CACNA1H: variants seen among roughly 807,000 people sequenced by gnomAD.
CACNA1H encodes the protein calcium voltage-gated channel subunit alpha1 H.
A neutral mutation model predicts 192.5 loss-of-function variants in CACNA1H; 149 were observed. The ratio of observed to expected loss-of-function variants is 0.77; its 90% CI spans 0.68 to 0.89. The LOEUF (loss-of-function observed/expected upper bound fraction) is 0.89, where lower values mean the gene tolerates loss of function less well. Among genes scored for constraint, CACNA1H ranks in the 40% least tolerant of loss-of-function variants. The probability of loss-of-function intolerance (pLI) is 0.00; values close to 1 mark genes in which losing one functional copy is unlikely to be tolerated. For missense variants in CACNA1H, 4,257 were observed against 3,423.5 expected (o/e 1.24, Z -6.08); for synonymous variants, 2,202 against 1,475.2 (o/e 1.49, Z -11.29).
At chr16:1,195,645 AAAG>A in intron 4 of CACNA1H, 80 bp downstream of exon 4, 1 of 1,465,276 alleles carries the variant, frequency 6.8e-7, no homozygotes, top group Non-Finnish European at 9.3e-7. Context: ...TCCCACCTGT[AAAG>A]AAAAATGGGA....
chr16:1,215,222 C>G lies in CACNA1H; in HGVS notation c.5040-20C>G, dbSNP rs987416396. 4 of 1,594,910 alleles carry G rather than the reference C, an allele frequency of 2.5e-6. No individual in the cohort carries two copies. The highest frequency in any genetic ancestry group is 3.4e-6 in the Non-Finnish European group (4 of 1,170,514). ...GAGGCGGGGACCCCAGACGTGTGCG[C>G]TGAGCCTCCGGCCACACAGGTGGAA... On this transcript the variant is annotated intron_variant, in intron 28 of 34. Coordinates refer to ENST00000348261, the MANE Select transcript of CACNA1H (RefSeq NM_021098.3).
In CACNA1H at chr16:1,211,252, C is replaced by T. The variant is rs750912286; in HGVS notation, c.4308C>T (p.Ile1436=). The T allele has an allele frequency of 1.2e-6, 2 of 1,613,152 alleles. No homozygotes were observed. The highest frequency in any genetic ancestry group is 1.1e-5 in the South Asian group (1 of 91,084). ...SLRPIGNIVL[I]CCAFFIIFGI... is the part of the protein sequence containing the mutation. ...GGCCCATTGGGAACATCGTCCTCAT[C>T]TGCTGCGCCTTCTTCATCATTTTTG... Residue 1436 remains isoleucine (I), a synonymous_variant, in exon 22 of 35, where the codon ATC becomes ATT. Coordinates refer to ENST00000348261, the MANE Select transcript of CACNA1H (RefSeq NM_021098.3).
rs763021546 is a variant in CACNA1H, at chr16:1,198,569, C to A, written c.644-46C>A. 6 of 1,604,216 alleles carry A rather than the reference C, an allele frequency of 3.7e-6. No individual in the cohort carries two copies. The African/African-American group carries it at 6.7e-5, about 18-fold the overall frequency. On this transcript the variant is annotated intron_variant, in intron 5 of 34. Coordinates refer to ENST00000348261, the MANE Select transcript of CACNA1H (RefSeq NM_021098.3). Reference sequence around the variant, plus strand: ...GGGAGGGGCTGCAGCCCCGAGGACACTCCTGCAGGGCTTAGCAGTGCCAAT... The same window carrying A: ...GGGAGGGGCTGCAGCCCCGAGGACAATCCTGCAGGGCTTAGCAGTGCCAAT...
Position 1,204,274 on chromosome 16 carries a change from C to G in CACNA1H, c.2267C>G (p.Pro756Arg). 2 of 1,608,584 alleles carry G rather than the reference C, an allele frequency of 1.2e-6. No individual in the cohort carries two copies. Among genetic ancestry groups the G allele is most frequent in the Middle Eastern group, 1.7e-4 (1 of 6,036 alleles). ...PRATDTPGPGPGSPQRRAQQR... is the reference protein window; with the variant it reads ...PRATDTPGPGRGSPQRRAQQR... ...GCGACGGACACACCAGGCCCAGGCC[C>G]AGGCAGCCCCCAGCGGCGGGCACAG... is the stretch of plus-strand genomic sequence containing the variant. Residue 756 changes from proline (P) to arginine (R), a missense_variant, in exon 10 of 35, where the codon CCA (proline) becomes CGA (arginine). Coordinates refer to ENST00000348261, the MANE Select transcript of CACNA1H (RefSeq NM_021098.3).
intron 2 of CACNA1H, among the ~76,000 whole-genome samples, chr16:1,177,040 A>G (rs1964958134): frequency 6.6e-6 from 1 of 151,980 alleles, no homozygotes; most frequent in Admixed American, 6.6e-5. Flanking sequence ...AGCTTCCCCC[A>G]GGCCCTCCGC....
At chr16:1,217,884 G>C (rs753006308) in intron 31 of CACNA1H, 35 bp from the exon 32 acceptor site, 3 of 1,569,824 alleles carry the variant, frequency 1.9e-6, no homozygotes, top group Middle Eastern at 1.7e-4. Flanking sequence ...CCCGGAGCGG[G>C]CTCGGCTGAC....
intron 6 of CACNA1H, among the ~76,000 whole-genome samples, chr16:1,200,028 T>TAAA (rs1425412845): frequency 6.6e-6 from 1 of 152,192 alleles, no homozygotes; most frequent in Non-Finnish European, 1.5e-5. Flanking sequence ...GCAGCACCAC[T>TAAA]GTGTTCTTGA....
At position 1,220,277 on chromosome 16, in the gene CACNA1H, C is replaced by T. The variant is rs529859576; in HGVS notation, c.6345C>T (p.Ala2115=). 21 of 1,586,136 alleles carry T rather than the reference C, an allele frequency of 1.3e-5. No individual in the cohort carries two copies. The highest frequency in any genetic ancestry group is 1.0e-4 in the Admixed American group (6 of 58,476). Residue 2115 remains alanine (A), a synonymous_variant, in exon 35 of 35, where the codon GCC becomes GCT. Coordinates refer to ENST00000348261, the MANE Select transcript of CACNA1H (RefSeq NM_021098.3). ...TSSACPWQPT[A]EPHGPEASPV... Reference sequence around the variant, plus strand: ...CCGCCTGCCCCTGGCAGCCCACAGCCGAGCCCCATGGCCCCGAAGCCTCTC... The same window carrying T: ...CCGCCTGCCCCTGGCAGCCCACAGCTGAGCCCCATGGCCCCGAAGCCTCTC...
intron 2 of CACNA1H, 127 bp downstream of exon 2, chr16:1,154,163 G>A: frequency 3.1e-6 from 2 of 641,792 alleles, no homozygotes; most frequent in South Asian, 7.1e-5. Flanking sequence ...TGGGCCGGGC[G>A]CGCGGGGGTG....
Position 1,221,366 on chromosome 16 carries a change from C to A in CACNA1H, c.*372C>A, listed in dbSNP as rs1294163233. On this transcript the variant is annotated 3_prime_UTR_variant, in exon 35 of 35. Transcript: ENST00000348261. ...GCCCCGCGTTGTTACAGGACACTCG[C>A]TGGGGGCCCTGTGCCCTTGCCGGCG... 6.2e-6 allele frequency: 2 copies of A among 323,718 alleles called. No individual in the cohort carries two copies. Among genetic ancestry groups the A allele is most frequent in the Non-Finnish European group, 1.1e-5 (2 of 177,468 alleles). 20.1% of individuals were successfully genotyped at this position (323,718 alleles called of 1,614,324 possible). A position where few individuals can be genotyped will look rare whatever the true frequency, so the allele number is the denominator to read the frequency against.
At position 1,209,031 on chromosome 16, in the gene CACNA1H, G is replaced by A; in HGVS notation, c.3364-1G>A. On this transcript the variant is annotated splice_acceptor_variant, in intron 16 of 34. Coordinates refer to ENST00000348261, the MANE Select transcript of CACNA1H (RefSeq NM_021098.3). LOFTEE classifies it high-confidence loss of function. ...GGTCACTGACTCCCGCCACCCCCCA[G>A]GCCAGCCTCCGAAGTTCTCCCTGTG... 1.3e-6 allele frequency: 2 copies of A among 1,504,566 alleles called. No homozygotes were observed. The highest frequency in any genetic ancestry group is 1.8e-6 in the Non-Finnish European group (2 of 1,134,402). 93.2% of individuals were successfully genotyped at this position (1,504,566 alleles called of 1,614,324 possible).
intron 2 of CACNA1H, among the ~76,000 whole-genome samples, chr16:1,182,062 G>A (rs1360257913): frequency 6.6e-6 from 1 of 152,188 alleles, no homozygotes; most frequent in Non-Finnish European, 1.5e-5. Context: ...TGGACACAAC[G>A]CTCCCCAGGG....
chr16:1,201,378 T>C (rs1163662302), intron 8 of CACNA1H, among the ~76,000 whole-genome samples: 1 of 152,042 alleles, frequency 6.6e-6, no homozygotes, highest in East Asian at 1.9e-4. Flanking sequence ...GAGGGTCATC[T>C]CAAGGCCAGA....
intron 9 of CACNA1H, 116 bp downstream of exon 9, chr16:1,202,568 C>T (rs978975067): frequency 1.7e-5 from 16 of 932,696 alleles, no homozygotes; most frequent in Non-Finnish European, 2.0e-5. Flanking sequence ...CCAGCTTTGA[C>T]TTGTGAAACA....
chr16:1,195,407 G>A (rs1262738078), intron 3 of CACNA1H, 25 bp from the exon 4 acceptor site: 1 of 1,550,516 alleles, frequency 6.4e-7, no homozygotes, highest in Admixed American at 2.0e-5. Context: ...TGTTCCACGG[G>A]CCCTCCTGAT....
intron 11 of CACNA1H, 52 bp from the exon 12 acceptor site, chr16:1,206,052 C>A: frequency 6.7e-7 from 1 of 1,497,402 alleles, no homozygotes; most frequent in Non-Finnish European, 8.9e-7. Context: ...GGGACGAGGG[C>A]CTGGGGTCAG....
rs746453607 is a variant in CACNA1H at position 1,198,748 on chromosome 16, C to G, written c.777C>G (p.Arg259=). 8.7e-6 allele frequency: 14 copies of G among 1,612,494 alleles called. 1 individual carries two copies. The South Asian group carries it at 1.5e-4, about 18-fold the overall frequency. The change falls in exon 6 of 35, where the codon CGC becomes CGG. Residue 259 remains arginine (R), a synonymous_variant. Coordinates refer to ENST00000348261, the MANE Select transcript of CACNA1H (RefSeq NM_021098.3). ...TCTGGGCTGGCCTCCTGCGGAACCGCTGCTTCCTGGACAGTGCCTTTGTCA... is the reference window on the plus strand; with the variant it reads ...TCTGGGCTGGCCTCCTGCGGAACCGGTGCTTCCTGGACAGTGCCTTTGTCA... ...VQLWAGLLRN[R]CFLDSAFVRN... is the part of the protein sequence containing the mutation.
At chr16:1,218,186 G>A (rs1970190962) in intron 32 of CACNA1H, 24 bp from the exon 33 acceptor site, 1 of 1,543,634 alleles carries the variant, frequency 6.5e-7, no homozygotes, top group Admixed American at 2.0e-5. Context: ...GTGGACCCCG[G>A]CCCACAGCTG....
chr16:1,181,153 C>A (rs542424831), intron 2 of CACNA1H, among the ~76,000 whole-genome samples: 1 of 152,240 alleles, frequency 6.6e-6, no homozygotes, highest in Non-Finnish European at 1.5e-5. Context: ...CCGTCTTCCC[C>A]AAGGTCCCCT....
Sources: allele counts gnomAD v4.1 joint callset (sites outside exome capture counted in the v4.1 genomes callset), GRCh38; gene constraint gnomAD v4.1.1; transcripts MANE v1.5; gene names NCBI Gene and HGNC (gene_info 2026-07-23, HGNC 2026-07-21).